TNS3: variants seen among roughly 807,000 people sequenced by gnomAD.
TNS3 encodes tensin 3.
Under a neutral mutation model 140.9 loss-of-function variants are expected in TNS3, and 45 were observed. The observed-to-expected ratio is 0.32, with a 90% CI of 0.25 to 0.41. The LOEUF is 0.41. Ranked by LOEUF, TNS3 falls within the 10% of genes least tolerant of loss-of-function variation. The pLI, the probability that TNS3 is intolerant of heterozygous loss-of-function variation, is 1.00. For synonymous variants in TNS3, 815 were observed against 788.4 expected (o/e 1.03, Z -0.56); for missense variants, 1,716 against 1,906.7 (o/e 0.90, Z 1.86).
chr7:47,413,477 C>T (rs185849876), intron 12 of TNS3, among the ~76,000 whole-genome samples: 2 of 151,794 alleles, frequency 1.3e-5, no homozygotes, highest in African/African-American at 4.8e-5. Context: ...CGGTGGCTCA[C>T]ATCTGTAATC....
At chr7:47,383,201 G>T (rs1191820529) in intron 16 of TNS3, among the ~76,000 whole-genome samples, 1 of 152,222 alleles carries the variant, frequency 6.6e-6, no homozygotes, top group Non-Finnish European at 1.5e-5. Context: ...GCAGAGTGTG[G>T]TGTGTCCACA....
Position 47,435,266 on chromosome 7 carries a change from G to A in TNS3, c.324+16C>T, listed in dbSNP as rs780328039. ...AGCCCAGCCAGACCCCCAAATGTGA[G>A]AGGGGGCGCACTCACCCTGCAGTGA... On this transcript the variant is annotated intron_variant, in intron 8 of 30. Coordinates refer to ENST00000311160, the MANE Select transcript of TNS3 (RefSeq NM_022748.12). 7 of 1,613,238 alleles carry A rather than the reference G, an allele frequency of 4.3e-6. No individual in the cohort carries two copies. The South Asian group carries it at 5.5e-5, about 13-fold the overall frequency.
intron 2 of TNS3, among the ~76,000 whole-genome samples, chr7:47,528,481 C>T (rs1050059750): frequency 1.3e-5 from 2 of 152,138 alleles, no homozygotes; most frequent in African/African-American, 4.8e-5. Flanking sequence ...CCCACTGGTC[C>T]GCCAAGCAGC....
At chr7:47,405,376 C>A in intron 13 of TNS3, 1 of 634,208 alleles carries the variant, frequency 1.6e-6, no homozygotes, top group Admixed American at 2.4e-5. Context: ...CAACTGTCTA[C>A]GCAGGCCTCA....
At chr7:47,565,794 T>C (rs919029515) in intron 1 of TNS3, among the ~76,000 whole-genome samples, 15 of 152,220 alleles carry the variant, frequency 9.9e-5, no homozygotes, top group African/African-American at 1.9e-4. Context: ...TTTCGCACTC[T>C]GCTGGATTTC....
At chr7:47,366,680 G>A (rs1790721478) in intron 17 of TNS3, among the ~76,000 whole-genome samples, 1 of 152,190 alleles carries the variant, frequency 6.6e-6, no homozygotes, top group Non-Finnish European at 1.5e-5. Context: ...TGGAGACACT[G>A]AGTCCACACC....
intron 17 of TNS3, among the ~76,000 whole-genome samples, chr7:47,350,665 T>C (rs2095616986): frequency 6.6e-6 from 1 of 152,226 alleles, no homozygotes; most frequent in African/African-American, 2.4e-5. Flanking sequence ...GGGTGGACTC[T>C]GCCTCTCTGC....
intron 4 of TNS3, among the ~76,000 whole-genome samples, chr7:47,446,839 T>G (rs1795765963): frequency 6.6e-6 from 1 of 151,024 alleles, no homozygotes; most frequent in Non-Finnish European, 1.5e-5. Flanking sequence ...ACTACATGCA[T>G]GTACCACCAA....
chr7:47,341,271 T>C (rs1788999070), intron 20 of TNS3, among the ~76,000 whole-genome samples: 2 of 152,248 alleles, frequency 1.3e-5, no homozygotes, highest in South Asian at 4.1e-4. Flanking sequence ...AATTAGGACA[T>C]GATCCCCCCT....
chr7:47,456,933 G>A (rs1235311916), intron 4 of TNS3, among the ~76,000 whole-genome samples: 2 of 151,688 alleles, frequency 1.3e-5, no homozygotes, highest in African/African-American at 2.4e-5. Flanking sequence ...TGACATTAAC[G>A]AGACTGTCTT....
chr7:47,470,437 C>T (rs1186380054), intron 4 of TNS3: 4 of 985,094 alleles, frequency 4.1e-6, no homozygotes, highest in Non-Finnish European at 4.8e-6. Flanking sequence ...AGAAATCCCA[C>T]TCAACCTGAT....
intron 4 of TNS3, among the ~76,000 whole-genome samples, chr7:47,465,818 G>A (rs1010165791): frequency 1.3e-5 from 2 of 151,950 alleles, no homozygotes; most frequent in African/African-American, 4.8e-5. Flanking sequence ...CAGCTATTCA[G>A]GAGGCTGAGG....
chr7:47,572,667 G>C (rs944072909), intron 1 of TNS3, among the ~76,000 whole-genome samples: 2 of 152,160 alleles, frequency 1.3e-5, no homozygotes, highest in South Asian at 4.1e-4. Flanking sequence ...CCTGAGGTCA[G>C]GAGTTCGAGA....
Position 47,438,575 on chromosome 7 carries a change from C to T in TNS3, c.150+912G>A, listed in dbSNP as rs956706265. Among the ~76,000 whole-genome samples the T allele has an allele frequency of 1.5e-4, 23 of 152,238 alleles. 1 individual carries two copies. Among genetic ancestry groups the T allele is most frequent in the South Asian group, 4.1e-4 (2 of 4,820 alleles). ...GTCCACTGCCAGGTCACAGACAAGA[C>T]GGGCTTCAAGACCAGAAAGAGGCAG... On this transcript the variant is annotated intron_variant, in intron 6 of 30. Transcript: ENST00000311160.
At chr7:47,440,810 A>ATTTT (rs1174039768) in intron 5 of TNS3, among the ~76,000 whole-genome samples, 1 of 152,178 alleles carries the variant, frequency 6.6e-6, no homozygotes, top group Non-Finnish European at 1.5e-5. Context: ...AGTCCCTCCA[A>ATTTT]AGTGCTGCCA....
intron 28 of TNS3, among the ~76,000 whole-genome samples, chr7:47,281,685 C>G (rs1472696233): frequency 6.6e-6 from 1 of 152,146 alleles, no homozygotes; most frequent in Non-Finnish European, 1.5e-5. Flanking sequence ...GTGGACATGA[C>G]CCATCTCCAG....
chr7:47,492,841 CG>C (rs1400777384), intron 3 of TNS3, among the ~76,000 whole-genome samples: 1 of 152,192 alleles, frequency 6.6e-6, no homozygotes, highest in East Asian at 1.9e-4. Flanking sequence ...CTGAGAAAGG[CG>C]GGGTTCCGGA....
intron 16 of TNS3, among the ~76,000 whole-genome samples, chr7:47,389,719 C>T (rs1792398822): frequency 6.6e-6 from 1 of 152,234 alleles, no homozygotes; most frequent in Admixed American, 6.5e-5. Flanking sequence ...GCCGGCGCCC[C>T]CAGGCCACTC....
At chr7:47,317,247 C>T (rs1221387580) in intron 20 of TNS3, among the ~76,000 whole-genome samples, 1 of 152,226 alleles carries the variant, frequency 6.6e-6, no homozygotes, top group East Asian at 1.9e-4. Flanking sequence ...ATCCTGTCCA[C>T]CAAAAGCCGG....
Sources: gnomAD v4.1 joint callset for allele counts (sites outside exome capture counted in the v4.1 genomes callset) on GRCh38, gnomAD v4.1.1 for gene constraint, MANE v1.5 for transcripts, NCBI Gene and HGNC (gene_info 2026-07-23, HGNC 2026-07-21) for gene names.